Variants in OGFRL1 observed in about 807,000 individuals in gnomAD.
OGFRL1 encodes the protein opioid growth factor receptor-like protein 1.
In OGFRL1, 26 loss-of-function variants were observed where a neutral mutation model predicts 32.4. The observed-to-expected ratio is 0.80, with a 90% CI of 0.59 to 1.11. OGFRL1 has a LOEUF of 1.11. Among genes scored for constraint, OGFRL1 ranks in the 50% most tolerant of loss-of-function variants. The pLI is 0.00. For synonymous variants in OGFRL1, 211 were observed against 201.2 expected, an observed-to-expected ratio of 1.05 and a Z score of -0.41; for missense variants, 521 against 546.4, an observed-to-expected ratio of 0.95 and a Z score of 0.46.
intron 6 of OGFRL1, among the ~76,000 whole-genome samples, chr6:71,300,392 G>T (rs1358525881): frequency 6.6e-6 from 1 of 152,094 alleles, no homozygotes; most frequent in Non-Finnish European, 1.5e-5. Context: ...TCCAGTAATG[G>T]CATTAGTTTT....
intron 1 of OGFRL1, 34 bp from the exon 2 acceptor site, chr6:71,293,259 C>G (rs55722044): frequency 0.014 from 21,046 of 1,549,036 alleles, 180 homozygotes; most frequent in Non-Finnish European, 0.016. Context: ...TATCTTGCGT[C>G]AACATGTAAA....
intron 3 of OGFRL1, chr6:71,295,412 A>C (rs1180275747): frequency 3.3e-5 from 5 of 152,212 alleles, no homozygotes; most frequent in Admixed American, 1.3e-4. Flanking sequence ...TTTATTTTCT[A>C]CAACATTGAC....
Position 71,301,753 on chromosome 6 carries a change from T to C in OGFRL1, c.1060T>C (p.Ser354Pro), listed in dbSNP as rs1766400175. Residue 354 changes from serine to proline, a missense_variant, in exon 7 of 7, where the codon TCA (serine) becomes CCA (proline). Physicochemically the swap from Ser to Pro is moderately conservative, Grantham distance 74. Coordinates refer to ENST00000370435, the MANE Select transcript of OGFRL1 (RefSeq NM_024576.5). ...AGCCAAGGACTCCAAAAATTCCTCC[T>C]CAGCTGTTCATTTAAATAGCAAAAC... is the stretch of plus-strand genomic sequence containing the variant. ...KKAKDSKNSS[S>P]AVHLNSKTAE... 1 of 1,613,922 alleles carries C rather than the reference T, an allele frequency of 6.2e-7. No homozygotes were observed. The highest frequency in any genetic ancestry group is 1.1e-5 in the South Asian group (1 of 91,066).
chr6:71,296,562 G>A lies in OGFRL1; in HGVS notation c.546+1G>A. 1 of 1,611,268 alleles carries A rather than the reference G, an allele frequency of 6.2e-7. No individual in the cohort carries two copies. The highest frequency in any genetic ancestry group is 8.5e-7 in the Non-Finnish European group (1 of 1,178,804). ...AGAACTAACTACATATGAAATTGAG[G>A]TAATGCAAGCTCATTTCATTTTATA... On this transcript the variant is annotated splice_donor_variant, in intron 5 of 6. Transcript: ENST00000370435. LOFTEE classifies it high-confidence loss of function.
Position 71,309,045 on chromosome 6 carries a change from G to A in OGFRL1, c.*6996G>A, listed in dbSNP as rs1337121561. 2 of 152,136 alleles carry A rather than the reference G, an allele frequency of 1.3e-5. No homozygotes were observed. Among genetic ancestry groups the A allele is most frequent in the Admixed American group, 1.3e-4 (2 of 15,268 alleles). 9.4% of individuals were successfully genotyped at this position (152,136 alleles called of 1,614,324 possible). A position where few individuals can be genotyped will look rare whatever the true frequency, so the allele number is the denominator to read the frequency against. ...TTTTATCCTCAAAAATAAATATTGT[G>A]AAGGGTGAATCATATATATGAAGTT... On this transcript the variant is annotated 3_prime_UTR_variant, in exon 7 of 7. Transcript: ENST00000370435.
Position 71,296,484 on chromosome 6 carries a change from AAAAT to A in OGFRL1, c.480-5_480-2del. 2 of 1,598,616 alleles carry A rather than the reference AAAAT, an allele frequency of 1.3e-6. No individual in the cohort carries two copies. The highest frequency in any genetic ancestry group is 1.7e-6 in the Non-Finnish European group (2 of 1,172,460). On this transcript the variant is annotated splice_region_variant and splice_polypyrimidine_tract_variant and intron_variant, in intron 4 of 6. Coordinates refer to ENST00000370435, the MANE Select transcript of OGFRL1 (RefSeq NM_024576.5). ...GTTAATAGAAAAATTTTATTTTTTT[AAAAT>A]AAATAGGCTTTTCCCCCTGAGAGAA...
chr6:71,298,184 C>T (rs919256045), intron 6 of OGFRL1, among the ~76,000 whole-genome samples: 2 of 151,956 alleles, frequency 1.3e-5, no homozygotes, highest in Non-Finnish European at 2.9e-5. Context: ...TAACTCATAA[C>T]TCAAATTTGA....
intron 6 of OGFRL1, among the ~76,000 whole-genome samples, chr6:71,300,807 C>G (rs1766358216): frequency 6.6e-6 from 1 of 152,162 alleles, no homozygotes; most frequent in African/African-American, 2.4e-5. Context: ...AAAGCCCATG[C>G]TCTTAACTGT....
chr6:71,299,748 G>A (rs950689957), intron 6 of OGFRL1, among the ~76,000 whole-genome samples: 2 of 152,160 alleles, frequency 1.3e-5, no homozygotes, highest in African/African-American at 4.8e-5. Context: ...GTGACACATT[G>A]TCTTAACTGT....
At position 71,305,725 on chromosome 6, in the gene OGFRL1, A is replaced by C. The variant is rs1582566671; in HGVS notation, c.*3676A>C. The C allele has an allele frequency of 6.6e-6, 1 of 152,154 alleles. No individual in the cohort carries two copies. Among genetic ancestry groups the C allele is most frequent in the South Asian group, 2.1e-4 (1 of 4,832 alleles). 9.4% of individuals were successfully genotyped at this position (152,154 alleles called of 1,614,324 possible). A position where few individuals can be genotyped will look rare whatever the true frequency, so the allele number is the denominator to read the frequency against. ...CTAGTTTTATACTTTAATCTGAGTG[A>C]AAGTATGATGTGGTGGAAAGAAAAA... On this transcript the variant is annotated 3_prime_UTR_variant, in exon 7 of 7. Coordinates refer to ENST00000370435, the MANE Select transcript of OGFRL1 (RefSeq NM_024576.5).
chr6:71,308,666 AC>A lies in OGFRL1; in HGVS notation c.*6618del, dbSNP rs1015677886. 2.0e-5 allele frequency: 3 copies of A among 152,206 alleles called. No individual in the cohort carries two copies. The highest frequency in any genetic ancestry group is 7.2e-5 in the African/African-American group (3 of 41,452). The allele number at this position is 152,206 out of a possible 1,614,324, so 9.4% of individuals were successfully genotyped here. On this transcript the variant is annotated 3_prime_UTR_variant, in exon 7 of 7. Coordinates refer to ENST00000370435, the MANE Select transcript of OGFRL1 (RefSeq NM_024576.5). ...TAACCAGTTTCTGGATCTGTATGGTACTATAAAATACTTATTTTATAATTCT... is the reference window on the plus strand; with the variant it reads ...TAACCAGTTTCTGGATCTGTATGGTATATAAAATACTTATTTTATAATTCT...
chr6:71,289,578 AAATT>A (rs1765979467), intron 1 of OGFRL1: 2 of 970,664 alleles, frequency 2.1e-6, no homozygotes, highest in African/African-American at 3.5e-5. Context: ...AAAAAAAAAA[AAATT>A]ACTCAGAATA....
Position 71,289,144 on chromosome 6 carries a change from G to T in OGFRL1, c.208G>T (p.Asp70Tyr). The change falls in exon 1 of 7, where the codon GAC becomes TAC. Residue 70 changes from aspartate (D) to tyrosine (Y), a missense_variant. Transcript: ENST00000370435. ...CGGCGCCAGCCCCGCGCCGGACGAG[G>T]ACGCCGAGGCGGCGGGCGCCGAGCA... is the stretch of plus-strand genomic sequence containing the variant. ...RPGASPAPDE[D>Y]AEAAGAEQGG... The T allele has an allele frequency of 9.1e-7, 1 of 1,094,906 alleles. No homozygotes were observed. Among genetic ancestry groups the T allele is most frequent in the South Asian group, 4.3e-5 (1 of 23,352 alleles). The allele number at this position is 1,094,906 out of a possible 1,614,324, so 67.8% of individuals were successfully genotyped here.
Position 71,302,094 on chromosome 6 carries a change from A to T in OGFRL1, c.*45A>T, listed in dbSNP as rs1460384195. On this transcript the variant is annotated 3_prime_UTR_variant, in exon 7 of 7. Transcript: ENST00000370435. ...GCCAGTTTAGGCTAGAGAGGAAAAA[A>T]CTACTGTATCATTTATCCTAAAGAA... is the stretch of plus-strand genomic sequence containing the variant. 1 of 1,431,520 alleles carries T rather than the reference A, an allele frequency of 7.0e-7. No individual in the cohort carries two copies. The highest frequency in any genetic ancestry group is 9.2e-7 in the Non-Finnish European group (1 of 1,089,184). The allele number at this position is 1,431,520 out of a possible 1,614,324, so 88.7% of individuals were successfully genotyped here. A position where few individuals can be genotyped will look rare whatever the true frequency, so the allele number is the denominator to read the frequency against.
At chr6:71,291,998 AAC>A (rs534615747) in intron 1 of OGFRL1, 136 of 152,316 alleles carry the variant, frequency 8.9e-4, no homozygotes, top group African/African-American at 3.2e-3. Context: ...CTAAGATGGA[AAC>A]ACTTATTAAC....
rs568442472 is a variant in OGFRL1 at position 71,304,340 on chromosome 6, A to G, written c.*2291A>G. On this transcript the variant is annotated 3_prime_UTR_variant, in exon 7 of 7. Transcript: ENST00000370435. ...TTTTACATGCAAGAAAAACATGGAC[A>G]CTCTTACGTGGTGCTTGTAGCTGTG... 366 of 152,166 alleles carry G rather than the reference A, an allele frequency of 2.4e-3. 1 individual carries two copies. Among genetic ancestry groups the G allele is most frequent in the African/African-American group, 8.5e-3 (355 of 41,524 alleles). The allele number at this position is 152,166 out of a possible 1,614,324, so 9.4% of individuals were successfully genotyped here. A position where few individuals can be genotyped will look rare whatever the true frequency, so the allele number is the denominator to read the frequency against.
chr6:71,290,673 T>C (rs1442703620), intron 1 of OGFRL1, among the ~76,000 whole-genome samples: 1 of 152,214 alleles, frequency 6.6e-6, no homozygotes, highest in Non-Finnish European at 1.5e-5. Flanking sequence ...GCCAACCCTA[T>C]TTGTTGTCTA....
Position 71,288,854 on chromosome 6 carries a change from C to T in OGFRL1, c.-83C>T, listed in dbSNP as rs891525944. ...CTAGGCTGCCGCCCAGCGCCCTCGC[C>T]GCGGCCATGCCCGGGCCCTAGAGCG... On this transcript the variant is annotated 5_prime_UTR_variant, in exon 1 of 7. Transcript: ENST00000370435. 33 of 1,008,674 alleles carry T rather than the reference C, an allele frequency of 3.3e-5. No homozygotes were observed. Among genetic ancestry groups the T allele is most frequent in the Admixed American group, 1.1e-4 (2 of 17,938 alleles). 62.5% of individuals were successfully genotyped at this position (1,008,674 alleles called of 1,614,324 possible).
Position 71,289,111 on chromosome 6 carries a change from G to A in OGFRL1, c.175G>A (p.Gly59Arg). ...QPAQPPEQAG[G>R]RPGASPAPDE... ...CGCGCAGCCCCCGGAGCAAGCCGGC[G>A]GGCGGCCCGGCGCCAGCCCCGCGCC... The change falls in exon 1 of 7, where the codon GGG becomes AGG. Residue 59 changes from glycine (G) to arginine (R), a missense_variant. By Grantham distance (125) the Gly-to-Arg change is moderately radical. Coordinates refer to ENST00000370435, the MANE Select transcript of OGFRL1 (RefSeq NM_024576.5). 6 of 1,113,062 alleles carry A rather than the reference G, an allele frequency of 5.4e-6. No individual in the cohort carries two copies. The South Asian group carries it at 2.1e-4, about 39-fold the overall frequency. The allele number at this position is 1,113,062 out of a possible 1,614,324, so 68.9% of individuals were successfully genotyped here.
Sources: allele counts gnomAD v4.1 joint callset (sites outside exome capture counted in the v4.1 genomes callset), GRCh38; gene constraint gnomAD v4.1.1; transcripts MANE v1.5; gene names NCBI Gene and HGNC (gene_info 2026-07-23, HGNC 2026-07-21).